The following CLMN variants were observed in gnomAD, a reference collection of about 807,000 sequenced individuals.
The protein encoded by CLMN is calmin (calponin-like, transmembrane).
In CLMN, 57 loss-of-function variants were observed where a neutral mutation model predicts 92.7. That is an observed-to-expected ratio of 0.61 (90% CI 0.50 to 0.77). The LOEUF is 0.77. Ranked by LOEUF, CLMN falls within the 30% of genes least tolerant of loss-of-function variation. The probability of loss-of-function intolerance (pLI) is 0.00; values close to 1 mark genes in which losing one functional copy is unlikely to be tolerated. For synonymous variants in CLMN, 466 were observed against 470.6 expected (o/e 0.99, Z 0.13); for missense variants, 1,158 against 1,237.5 (o/e 0.94, Z 0.96).
intron 1 of CLMN, among the ~76,000 whole-genome samples, chr14:95,273,448 C>T (rs1294677853): frequency 6.6e-6 from 1 of 152,204 alleles, no homozygotes. Context: ...CTATAGTTCA[C>T]TTATGATGCT....
At chr14:95,317,183 G>A (rs139022800) in intron 1 of CLMN, among the ~76,000 whole-genome samples, 4 of 152,318 alleles carry the variant, frequency 2.6e-5, no homozygotes, top group African/African-American at 7.2e-5. Flanking sequence ...TAAGCTCGGC[G>A]TGGAGCACCT....
rs532823630 is a variant in CLMN at position 95,200,069 on chromosome 14, G to C, written c.2511+2769C>G. Among the ~76,000 whole-genome samples, 16 of 152,300 alleles carry C rather than the reference G, an allele frequency of 1.1e-4. No homozygotes were observed. The South Asian group carries it at 3.3e-3, about 32-fold the overall frequency. ...AGGGACAGTGACAGACTGGGGAAGG[G>C]TCTGAGATAGAGGCAGAGCCAATGC... is the stretch of plus-strand genomic sequence containing the variant. On this transcript the variant is annotated intron_variant, in intron 9 of 12. Transcript: ENST00000298912.
chr14:95,302,450 C>T (rs866407054), intron 1 of CLMN, among the ~76,000 whole-genome samples: 7 of 151,828 alleles, frequency 4.6e-5, no homozygotes, highest in South Asian at 2.1e-4. Context: ...TTCCAGTAGC[C>T]CTGTTATATA....
intron 2 of CLMN, among the ~76,000 whole-genome samples, chr14:95,227,537 C>G (rs1314381116): frequency 6.6e-6 from 1 of 152,226 alleles, no homozygotes; most frequent in Non-Finnish European, 1.5e-5. Flanking sequence ...TTTCCAGTTA[C>G]CAGCCCCGGC....
At chr14:95,287,447 C>A (rs148871474) in intron 1 of CLMN, among the ~76,000 whole-genome samples, 47 of 152,328 alleles carry the variant, frequency 3.1e-4, no homozygotes, top group African/African-American at 1.1e-3. Context: ...TAGCAGGCAG[C>A]AGCTGGATCC....
At position 95,183,954 on chromosome 14, in the gene CLMN, G is replaced by C. The variant is rs943810675; in HGVS notation, c.*7610C>G. The C allele has an allele frequency of 1.3e-5, 2 of 152,116 alleles. No individual in the cohort carries two copies. The highest frequency in any genetic ancestry group is 3.8e-4 in the East Asian group (2 of 5,198). The allele number at this position is 152,116 out of a possible 1,614,324, so 9.4% of individuals were successfully genotyped here. A position where few individuals can be genotyped will look rare whatever the true frequency, so the allele number is the denominator to read the frequency against. ...TGGCTTAAACTTCCTCTTGCAAAAA[G>C]GCCTGAGTTAGATTTGAGACAGGGT... On this transcript the variant is annotated 3_prime_UTR_variant, in exon 13 of 13. Coordinates refer to ENST00000298912, the MANE Select transcript of CLMN (RefSeq NM_024734.4).
intron 1 of CLMN, chr14:95,307,770 T>C (rs940772917): frequency 6.6e-6 from 1 of 152,094 alleles, no homozygotes; most frequent in African/African-American, 2.4e-5. Flanking sequence ...CACGCTTGTG[T>C]ACATGAAAGA....
chr14:95,243,117 G>C (rs552606517), intron 1 of CLMN, among the ~76,000 whole-genome samples: 1 of 152,288 alleles, frequency 6.6e-6, no homozygotes, highest in South Asian at 2.1e-4. Flanking sequence ...ATCAAGTGGT[G>C]GGCCTACTTT....
chr14:95,207,313 T>C (rs1269984052), intron 8 of CLMN, among the ~76,000 whole-genome samples: 1 of 152,092 alleles, frequency 6.6e-6, no homozygotes, highest in East Asian at 1.9e-4. Flanking sequence ...GAAAATGGGG[T>C]CTCGCTTTGT....
chr14:95,222,418 A>G (rs918689092), intron 3 of CLMN: 1 of 374,944 alleles, frequency 2.7e-6, no homozygotes, highest in Non-Finnish European at 5.3e-6. Flanking sequence ...ACTGAAGCAC[A>G]CTGACGCTCC....
chr14:95,223,185 T>G (rs141828672), intron 3 of CLMN, among the ~76,000 whole-genome samples: 1 of 152,138 alleles, frequency 6.6e-6, no homozygotes, highest in East Asian at 1.9e-4. Context: ...CATCTTCCCA[T>G]AGCAAGAAAC....
chr14:95,290,413 A>C (rs1311890265), intron 1 of CLMN, among the ~76,000 whole-genome samples: 4 of 152,242 alleles, frequency 2.6e-5, no homozygotes, highest in African/African-American at 9.6e-5. Flanking sequence ...AGGGCCTTAA[A>C]TGTAATCACA....
chr14:95,210,910 T>A, intron 6 of CLMN, 31 bp from the exon 7 acceptor site: 1 of 1,490,134 alleles, frequency 6.7e-7, no homozygotes, highest in Non-Finnish European at 8.9e-7. Context: ...GCGGCCAGGA[T>A]GCTGGTTAGT....
chr14:95,245,216 AT>A (rs1490730684), intron 1 of CLMN, among the ~76,000 whole-genome samples: 2 of 35,930 alleles, frequency 5.6e-5, no homozygotes, highest in African/African-American at 3.6e-4. Flanking sequence ...TATTATATAT[AT>A]ATATATATTA....
chr14:95,305,977 T>C lies in CLMN; in HGVS notation c.82+13734A>G, dbSNP rs574278399. 2.9e-4 allele frequency among the ~76,000 whole-genome samples: 44 copies of C among 152,372 alleles called. 1 individual carries two copies. The East Asian group carries it at 8.1e-3, about 28-fold the overall frequency. On this transcript the variant is annotated intron_variant, in intron 1 of 12. Transcript: ENST00000298912. Reference sequence around the variant, plus strand: ...CAAGAATTAGAGTATAAGTTCATTTTCCCATGTGCAAATTCTCAGTAAATC... The same window carrying C: ...CAAGAATTAGAGTATAAGTTCATTTCCCCATGTGCAAATTCTCAGTAAATC...
At chr14:95,279,174 C>G (rs1444557609) in intron 1 of CLMN, among the ~76,000 whole-genome samples, 1 of 152,084 alleles carries the variant, frequency 6.6e-6, no homozygotes, top group Non-Finnish European at 1.5e-5. Flanking sequence ...ACTTTAATAC[C>G]TTTTAGTTCG....
intron 1 of CLMN, among the ~76,000 whole-genome samples, chr14:95,306,612 G>C (rs1346382643): frequency 6.6e-6 from 1 of 152,084 alleles, no homozygotes; most frequent in African/African-American, 2.4e-5. Flanking sequence ...AATAGTAAGA[G>C]AGTTTCAGAT....
Position 95,191,486 on chromosome 14 carries a change from C to T in CLMN, c.*78G>A, listed in dbSNP as rs1896559010. On this transcript the variant is annotated 3_prime_UTR_variant, in exon 13 of 13. Coordinates refer to ENST00000298912, the MANE Select transcript of CLMN (RefSeq NM_024734.4). This position sits in a 1 kb window ranked among gnomAD's most constrained non-coding sequence, Gnocchi z 5.3. ...TCCTCAACTGTCTGTAGAAGTGCCCCACCCAGAACCCAAAATAAAATGAAG... is the reference window on the plus strand; with the variant it reads ...TCCTCAACTGTCTGTAGAAGTGCCCTACCCAGAACCCAAAATAAAATGAAG... 6 of 1,294,164 alleles carry T rather than the reference C, an allele frequency of 4.6e-6. No homozygotes were observed. The Admixed American group carries it at 7.1e-5, about 15-fold the overall frequency. 80.2% of individuals were successfully genotyped at this position (1,294,164 alleles called of 1,614,324 possible). A position where few individuals can be genotyped will look rare whatever the true frequency, so the allele number is the denominator to read the frequency against.
intron 1 of CLMN, among the ~76,000 whole-genome samples, chr14:95,270,702 T>C (rs1233266863): frequency 6.6e-6 from 1 of 152,236 alleles, no homozygotes; most frequent in Non-Finnish European, 1.5e-5. Flanking sequence ...CTTTCTTCAT[T>C]CACCAGTTGA....
Sources: allele counts gnomAD v4.1 joint callset (sites outside exome capture counted in the v4.1 genomes callset), GRCh38; gene constraint gnomAD v4.1.1; non-coding constraint Gnocchi (gnomAD v3.1); transcripts MANE v1.5; gene names NCBI Gene and HGNC (gene_info 2026-07-23, HGNC 2026-07-21).